The following MORC3 variants were observed in gnomAD, a reference collection of about 807,000 sequenced individuals.
The protein encoded by MORC3 is MORC family CW-type zinc finger protein 3.
In MORC3, 31 loss-of-function variants were observed where a neutral mutation model predicts 109.1. The ratio of observed to expected loss-of-function variants is 0.28; its 90% CI spans 0.21 to 0.38. MORC3 has a LOEUF of 0.38. MORC3 is among the 10% of genes least tolerant of loss of function. The pLI, the probability that MORC3 is intolerant of heterozygous loss-of-function variation, is 1.00. For synonymous variants in MORC3, 395 were observed against 380.7 expected (o/e 1.04, Z -0.44); for missense variants, 867 against 1,135.8 (o/e 0.76, Z 3.40).
chr21:36,372,361 A>C lies in MORC3; in HGVS notation c.2509-13A>C. On this transcript the variant is annotated splice_polypyrimidine_tract_variant and intron_variant, in intron 15 of 16. Transcript: ENST00000400485. ...AGTTTTACAGTTATAAAGCTCATTT[A>C]TATTTTTGTTAGGTTGAATTGCTGG... is the stretch of plus-strand genomic sequence containing the variant. 8 of 1,549,870 alleles carry C rather than the reference A, an allele frequency of 5.2e-6. No individual in the cohort carries two copies. Among genetic ancestry groups the C allele is most frequent in the Non-Finnish European group, 6.1e-6 (7 of 1,156,134 alleles).
At chr21:36,353,753 G>GTCTTTTTT (rs1334368761) in intron 9 of MORC3, among the ~76,000 whole-genome samples, 1 of 26,408 alleles carries the variant, frequency 3.8e-5, no homozygotes, top group Non-Finnish European at 6.2e-5. Flanking sequence ...GCTAATTTTT[G>GTCTTTTTT]TATTTTTTTT....
rs889087100 is a variant in MORC3, at chr21:36,340,729, C to T, written c.609-670C>T. 1.3e-4 allele frequency among the ~76,000 whole-genome samples: 19 copies of T among 151,652 alleles called. No homozygotes were observed. The South Asian group carries it at 2.1e-3, about 17-fold the overall frequency. On this transcript the variant is annotated intron_variant, in intron 5 of 16. Coordinates refer to ENST00000400485, the MANE Select transcript of MORC3 (RefSeq NM_015358.3). ...TCGGCTCACTGCAACCTCCGCCCAC[C>T]GGGTTCAAGCGATTCTGCTGCCTCA...
chr21:36,328,375 T>C (rs1409031324), intron 1 of MORC3, among the ~76,000 whole-genome samples: 1 of 144,462 alleles, frequency 6.9e-6, no homozygotes, highest in East Asian at 2.3e-4. Flanking sequence ...ACACCTTAGT[T>C]CATGCTCCCT....
Position 36,372,532 on chromosome 21 carries a change from G to C in MORC3, c.2666+1G>C. ...CTGTAAATCATATGGATGGAGAAAG[G>C]TAATATTAAATGAGGCGTTTTTGTG... On this transcript the variant is annotated splice_donor_variant, in intron 16 of 16. Coordinates refer to ENST00000400485, the MANE Select transcript of MORC3 (RefSeq NM_015358.3). LOFTEE classifies it high-confidence loss of function. The C allele has an allele frequency of 6.4e-7, 1 of 1,574,386 alleles. No individual in the cohort carries two copies. The highest frequency in any genetic ancestry group is 8.6e-7 in the Non-Finnish European group (1 of 1,168,716).
intron 9 of MORC3, among the ~76,000 whole-genome samples, chr21:36,354,927 C>T (rs2085628103): frequency 6.6e-6 from 1 of 152,050 alleles, no homozygotes; most frequent in Non-Finnish European, 1.5e-5. Flanking sequence ...TGCCCTCTAC[C>T]TTTTTTTTCC....
chr21:36,356,669 A>G lies in MORC3; in HGVS notation c.1153A>G (p.Met385Val). ...GEKLNDYWNE[M>V]KVKKNTEYPL... Reference sequence around the variant, plus strand: ...AAAGCTGAATGATTACTGGAATGAAATGAAAGTGAAGAAAAATACAGAATA... The same window carrying G: ...AAAGCTGAATGATTACTGGAATGAAGTGAAAGTGAAGAAAAATACAGAATA... The change falls in exon 10 of 17, where the codon ATG becomes GTG. Residue 385 changes from methionine to valine, a missense_variant. By Grantham distance (21) the Met-to-Val change is conservative (BLOSUM62 1). Around this residue, in one of 7 missense-constraint regions of MORC3, gnomAD observed 120 missense variants for 259.7 expected, o/e 0.46. Transcript: ENST00000400485. The G allele has an allele frequency of 6.2e-7, 1 of 1,609,168 alleles. No homozygotes were observed. The highest frequency in any genetic ancestry group is 8.5e-7 in the Non-Finnish European group (1 of 1,177,932).
chr21:36,352,831 A>G (rs1214169384), intron 9 of MORC3, among the ~76,000 whole-genome samples: 4 of 152,210 alleles, frequency 2.6e-5, no homozygotes, highest in African/African-American at 9.6e-5. Context: ...TAAGCTGGGA[A>G]TGGTGGCACA....
rs774035828 is a variant in MORC3 at position 36,338,825 on chromosome 21, A to G, written c.512A>G (p.Glu171Gly). ...ESKASLAAILEHSLFSTEQKL... is the reference protein window; with the variant it reads ...ESKASLAAILGHSLFSTEQKL... ...AAAGCCAGCCTTGCTGCAATTCTGG[A>G]ACATTCTCTGTTTTCCACGGAACAG... Residue 171 changes from glutamate to glycine, a missense_variant, in exon 5 of 17, where the codon GAA (glutamate) becomes GGA (glycine). Around this residue, in one of 7 missense-constraint regions of MORC3, gnomAD observed 134 missense variants for 166.6 expected, o/e 0.80. Coordinates refer to ENST00000400485, the MANE Select transcript of MORC3 (RefSeq NM_015358.3). The G allele has an allele frequency of 6.2e-7, 1 of 1,614,024 alleles. No individual in the cohort carries two copies. Among genetic ancestry groups the G allele is most frequent in the Non-Finnish European group, 8.5e-7 (1 of 1,179,954 alleles).
intron 14 of MORC3, among the ~76,000 whole-genome samples, chr21:36,368,261 T>G (rs2085803630): frequency 6.6e-6 from 1 of 152,194 alleles, no homozygotes; most frequent in Non-Finnish European, 1.5e-5. Context: ...TGGTTTGCTT[T>G]ATGGCTTATC....
intron 10 of MORC3, among the ~76,000 whole-genome samples, chr21:36,358,595 A>T (rs2085673752): frequency 6.6e-6 from 1 of 152,164 alleles, no homozygotes. Context: ...TCTCTTAAAA[A>T]AATAAATAAA....
rs146720064 is a variant in MORC3 at position 36,367,375 on chromosome 21, C to T, written c.1620-1613C>T. Among the ~76,000 whole-genome samples the T allele has an allele frequency of 1.9e-3, 286 of 152,268 alleles. 1 individual carries two copies. Among genetic ancestry groups the T allele is most frequent in the African/African-American group, 6.2e-3 (259 of 41,552 alleles). On this transcript the variant is annotated intron_variant, in intron 14 of 16. Transcript: ENST00000400485. ...GTTTCACTCTTAGGTATACGCAGATCGCCCTGGATAGCCACATGTGTCATC... is the reference window on the plus strand; with the variant it reads ...GTTTCACTCTTAGGTATACGCAGATTGCCCTGGATAGCCACATGTGTCATC...
intron 5 of MORC3, 187 bp downstream of exon 5, chr21:36,339,108 T>C: frequency 1.6e-6 from 1 of 630,290 alleles, no homozygotes; most frequent in Non-Finnish European, 2.4e-6. Context: ...TTTGAGATAT[T>C]TTCATCTTGT....
At chr21:36,347,076 A>G (rs1486585444) in intron 8 of MORC3, among the ~76,000 whole-genome samples, 3 of 152,068 alleles carry the variant, frequency 2.0e-5, no homozygotes, top group African/African-American at 7.2e-5. Flanking sequence ...TGCTTAAGAC[A>G]TAACAGCGTG....
chr21:36,360,419 T>G (rs538280122), intron 12 of MORC3, among the ~76,000 whole-genome samples, 161 bp downstream of exon 12: 3 of 152,220 alleles, frequency 2.0e-5, no homozygotes, highest in African/African-American at 7.2e-5. Context: ...CAAAAACTTA[T>G]GCTGTGGATA....
At chr21:36,365,999 G>A (rs1354308371) in intron 14 of MORC3, among the ~76,000 whole-genome samples, 1 of 152,096 alleles carries the variant, frequency 6.6e-6, no homozygotes, top group African/African-American at 2.4e-5. Flanking sequence ...TGTAAGGATG[G>A]TTTTGTAGTT....
intron 8 of MORC3, among the ~76,000 whole-genome samples, chr21:36,349,097 G>A (rs1278742343): frequency 6.6e-6 from 1 of 152,006 alleles, no homozygotes; most frequent in Admixed American, 6.6e-5. Context: ...CTTGGTTCTT[G>A]CAGTGAGCCA....
At position 36,375,996 on chromosome 21, in the gene MORC3, T is replaced by G. The variant is rs1199766114; in HGVS notation, c.*700T>G. On this transcript the variant is annotated 3_prime_UTR_variant, in exon 17 of 17. Coordinates refer to ENST00000400485, the MANE Select transcript of MORC3 (RefSeq NM_015358.3). ...TTGAAATATTAAATGGCCACCAAGT[T>G]TACTTTGAAGCCCATTTTTGGCTGT... 6.6e-6 allele frequency: 1 copy of G among 152,172 alleles called. No individual in the cohort carries two copies. The highest frequency in any genetic ancestry group is 2.4e-5 in the African/African-American group (1 of 41,446). The allele number at this position is 152,172 out of a possible 1,614,324, so 9.4% of individuals were successfully genotyped here.
chr21:36,333,783 TG>T lies in MORC3; in HGVS notation c.112+66del, dbSNP rs1481251881. Reference sequence around the variant, plus strand: ...AATTGTAGTGTTTTTTTTTTTGTTTTGTTTTGTTTTTTTTTTTTAAACAGAG... The same window carrying T: ...AATTGTAGTGTTTTTTTTTTTGTTTTTTTTGTTTTTTTTTTTTAAACAGAG... On this transcript the variant is annotated intron_variant, in intron 2 of 16. Transcript: ENST00000400485. The T allele has an allele frequency of 4.7e-3, 6,316 of 1,352,340 alleles. 71 individuals are homozygous for T. The highest frequency in any genetic ancestry group is 0.016 in the Admixed American group (732 of 46,342). The allele number at this position is 1,352,340 out of a possible 1,614,324, so 83.8% of individuals were successfully genotyped here.
At position 36,337,912 on chromosome 21, in the gene MORC3, T is replaced by C. The variant is rs1451262326; in HGVS notation, c.426T>C (p.His142=). The C allele has an allele frequency of 6.2e-7, 1 of 1,614,176 alleles. No individual in the cohort carries two copies. Among genetic ancestry groups the C allele is most frequent in the Non-Finnish European group, 8.5e-7 (1 of 1,180,014 alleles). ...ACTTGGAAGTCATAAAAGCGGAGCA[T>C]GTTGTTGTTCCAATAGTGGCATTCA... The part of the protein sequence containing the change: ...QTYLEVIKAE[H]VVVPIVAFNK... Residue 142 remains histidine (H), a synonymous_variant, in exon 4 of 17, where the codon CAT becomes CAC. Transcript: ENST00000400485.
Sources: gnomAD v4.1 joint callset for allele counts (sites outside exome capture counted in the v4.1 genomes callset) on GRCh38, gnomAD v4.1.1 for gene constraint, gnomAD v4.1.1 regional missense constraint, MANE v1.5 for transcripts, NCBI Gene and HGNC (gene_info 2026-07-23, HGNC 2026-07-21) for gene names.